The following SPAG17 variants were observed in gnomAD, a reference collection of about 807,000 sequenced individuals.
SPAG17 encodes sperm-associated antigen 17.
In SPAG17, 169 loss-of-function variants were observed where a neutral mutation model predicts 273.6. The observed-to-expected ratio is 0.62, with a 90% CI of 0.55 to 0.70. SPAG17 has a LOEUF of 0.70. SPAG17 is among the 30% of genes least tolerant of loss of function. The probability of loss-of-function intolerance (pLI) is 0.00; values close to 1 mark genes in which losing one functional copy is unlikely to be tolerated. For synonymous variants in SPAG17, 825 were observed against 873.2 expected (o/e 0.94, Z 0.97); for missense variants, 2,557 against 2,627.8 (o/e 0.97, Z 0.59).
intron 1 of SPAG17, among the ~76,000 whole-genome samples, chr1:118,172,272 G>C (rs1175926683): frequency 6.6e-6 from 1 of 152,118 alleles, no homozygotes; most frequent in Non-Finnish European, 1.5e-5. Context: ...ATAAAAATTA[G>C]GCAAATACTA....
At chr1:118,010,051 T>G (rs951154829) in intron 30 of SPAG17, among the ~76,000 whole-genome samples, 1 of 151,940 alleles carries the variant, frequency 6.6e-6, no homozygotes, top group African/African-American at 2.4e-5. Flanking sequence ...CTCATGCAAG[T>G]AGAGAGTAGA....
chr1:118,066,987 T>G, intron 17 of SPAG17, 88 bp from the exon 18 acceptor site: 17 of 1,215,332 alleles, frequency 1.4e-5, no homozygotes, highest in South Asian at 3.3e-5. Context: ...TACTCCCTTT[T>G]TTTCCTACAT....
chr1:118,128,761 T>A (rs748954824), intron 3 of SPAG17, among the ~76,000 whole-genome samples: 18 of 152,202 alleles, frequency 1.2e-4, no homozygotes, highest in Admixed American at 3.9e-4. Flanking sequence ...GTTCCACTTC[T>A]CAGACTAGAG....
chr1:118,057,764 A>G (rs1651855466), intron 18 of SPAG17, among the ~76,000 whole-genome samples: 1 of 152,052 alleles, frequency 6.6e-6, no homozygotes, highest in Non-Finnish European at 1.5e-5. Context: ...TTACTTTACA[A>G]TGAGAAACAA....
chr1:117,957,422 T>C (rs1396553370), intron 48 of SPAG17, among the ~76,000 whole-genome samples: 1 of 151,814 alleles, frequency 6.6e-6, no homozygotes, highest in African/African-American at 2.4e-5. Flanking sequence ...AGGATCATGA[T>C]GACCCACCTC....
intron 3 of SPAG17, among the ~76,000 whole-genome samples, chr1:118,132,804 G>A (rs973492060): frequency 5.9e-5 from 9 of 152,148 alleles, no homozygotes; most frequent in Non-Finnish European, 1.2e-4. Context: ...ATGGAATCTT[G>A]CTCTGTTGCC....
intron 3 of SPAG17, among the ~76,000 whole-genome samples, chr1:118,140,395 TAAC>T (rs1360381615): frequency 6.6e-6 from 1 of 152,238 alleles, no homozygotes; most frequent in Non-Finnish European, 1.5e-5. Context: ...ATGGATATGT[TAAC>T]TAGCTTGATT....
At chr1:118,151,406 C>T (rs991067382) in intron 1 of SPAG17, 37 bp from the exon 2 acceptor site, 2 of 1,569,826 alleles carry the variant, frequency 1.3e-6, no homozygotes, top group Non-Finnish European at 1.7e-6. Flanking sequence ...TTTAAATATT[C>T]CTGAATAGGT....
chr1:118,025,210 G>A (rs1647596244), intron 27 of SPAG17, 28 bp downstream of exon 27: 1 of 1,608,772 alleles, frequency 6.2e-7, no homozygotes, highest in Admixed American at 1.7e-5. Context: ...GAACAGGGAA[G>A]AATAATTTCT....
Position 117,963,919 on chromosome 1 carries a change from A to G in SPAG17, c.6552T>C (p.Asn2184=). The G allele has an allele frequency of 1.9e-6, 3 of 1,613,966 alleles. No homozygotes were observed. Among genetic ancestry groups the G allele is most frequent in the Non-Finnish European group, 2.5e-6 (3 of 1,179,904 alleles). Residue 2184 remains asparagine (N), a synonymous_variant, in exon 48 of 49, where the codon AAT becomes AAC. Transcript: ENST00000336338. ...PVEATVLTSS[N]YDKRPKDFPQ... The stretch of plus-strand genomic sequence containing the variant: ...GAAAGTCTTTTGGTCGTTTATCATA[A>G]TTGCTGCTTGTTAAAACAGGTAAAA...
At chr1:118,027,027 T>G (rs1156690506) in intron 26 of SPAG17, among the ~76,000 whole-genome samples, 1 of 152,140 alleles carries the variant, frequency 6.6e-6, no homozygotes, top group South Asian at 2.1e-4. Context: ...ATGAAACTAA[T>G]AGAAAAGACA....
intron 1 of SPAG17, among the ~76,000 whole-genome samples, chr1:118,156,068 T>C (rs1459386773): frequency 6.6e-6 from 1 of 152,262 alleles, no homozygotes; most frequent in Non-Finnish European, 1.5e-5. Context: ...CTAATCTTTT[T>C]ATTGTCTTTA....
At chr1:118,075,879 T>G (rs1437839449) in intron 15 of SPAG17, among the ~76,000 whole-genome samples, 1 of 152,130 alleles carries the variant, frequency 6.6e-6, no homozygotes, top group East Asian at 1.9e-4. Context: ...TGGTCGAGTA[T>G]CACCTTCTCA....
intron 7 of SPAG17, 148 bp from the exon 8 acceptor site, chr1:118,093,465 G>T: frequency 1.4e-6 from 1 of 705,184 alleles, no homozygotes; most frequent in Non-Finnish European, 2.2e-6. Flanking sequence ...TCCCAACCAT[G>T]GTGACCCCAT....
chr1:118,177,561 G>A (rs527717834), intron 1 of SPAG17, among the ~76,000 whole-genome samples: 26 of 151,584 alleles, frequency 1.7e-4, no homozygotes, highest in Non-Finnish European at 1.0e-4. Context: ...ATTAGCGGAA[G>A]GAAAATAATA....
intron 4 of SPAG17, among the ~76,000 whole-genome samples, chr1:118,110,238 CA>C (rs1656679824): frequency 6.6e-6 from 1 of 151,694 alleles, no homozygotes; most frequent in Non-Finnish European, 1.5e-5. Context: ...ATCACAAAAC[CA>C]GTAATAATGA....
At chr1:117,994,088 A>T (rs1557879286) in intron 35 of SPAG17, among the ~76,000 whole-genome samples, 1 of 152,160 alleles carries the variant, frequency 6.6e-6, no homozygotes, top group South Asian at 2.1e-4. Context: ...GTATGATATA[A>T]TATCAGTAAT....
rs1466029312 is a variant in SPAG17 at position 118,170,480 on chromosome 1, AAAGGTAG to A, written c.87+14584_87+14590del. Among the ~76,000 whole-genome samples the A allele has an allele frequency of 2.0e-5, 3 of 152,142 alleles. No homozygotes were observed. The South Asian group carries it at 6.2e-4, about 32-fold the overall frequency. On this transcript the variant is annotated intron_variant, in intron 1 of 48. Coordinates refer to ENST00000336338, the MANE Select transcript of SPAG17 (RefSeq NM_206996.4). ...GATTGGATGGATGAGCAAGGAGTGGAAAGGTAGAAGTTCATGTCAAGCAAGGAGACTG... is the reference window on the plus strand; with the variant it reads ...GATTGGATGGATGAGCAAGGAGTGGAAAGTTCATGTCAAGCAAGGAGACTG...
chr1:118,020,734 TA>T (rs1660419544), intron 28 of SPAG17, among the ~76,000 whole-genome samples: 1 of 152,148 alleles, frequency 6.6e-6, no homozygotes, highest in Non-Finnish European at 1.5e-5. Context: ...AAATATAGAA[TA>T]GGGGTTGGCA....
Sources: gnomAD v4.1 joint callset for allele counts (sites outside exome capture counted in the v4.1 genomes callset) on GRCh38, gnomAD v4.1.1 for gene constraint, MANE v1.5 for transcripts, NCBI Gene and HGNC (gene_info 2026-07-23, HGNC 2026-07-21) for gene names.